CTNNA2: variants seen among roughly 807,000 people sequenced by gnomAD.
The protein encoded by CTNNA2 is catenin alpha-2.
CTNNA2 carries 42 observed loss-of-function variants against 101.0 expected under a neutral mutation model. The observed-to-expected ratio is 0.42, with a 90% CI of 0.32 to 0.54. The LOEUF is 0.54. Among genes scored for constraint, CTNNA2 ranks in the 20% least tolerant of loss-of-function variants. The probability of loss-of-function intolerance (pLI) is 0.14; values close to 1 mark genes in which losing one functional copy is unlikely to be tolerated. For synonymous variants in CTNNA2, 450 were observed against 456.4 expected (o/e 0.99, Z 0.18); for missense variants, 871 against 1,223.1 (o/e 0.71, Z 4.29).
At chr2:79,541,107 T>C (rs982799230) in intron 1 of CTNNA2, among the ~76,000 whole-genome samples, 1 of 152,132 alleles carries the variant, frequency 6.6e-6, no homozygotes, top group Non-Finnish European at 1.5e-5. Flanking sequence ...AATGTAACTG[T>C]GCTTATCCCT....
In CTNNA2 at chr2:79,722,105, T is replaced by C. The variant is rs547528458; in HGVS notation, c.103-22282T>C. On this transcript the variant is annotated intron_variant, in intron 2 of 18. Coordinates refer to ENST00000402739, the MANE Select transcript of CTNNA2 (RefSeq NM_001282597.3). ...ATTACATAAATATTTGGAAGGAGCA[T>C]GTGTCACCACTGATTCATTCATTCA... Among the ~76,000 whole-genome samples the C allele has an allele frequency of 2.0e-5, 3 of 152,308 alleles. 1 individual carries two copies. In the South Asian group the frequency reaches 6.2e-4, roughly 32 times the overall value.
intron 3 of CTNNA2, among the ~76,000 whole-genome samples, chr2:79,326,875 G>C (rs984730861): frequency 6.6e-6 from 1 of 152,136 alleles, no homozygotes; most frequent in Non-Finnish European, 1.5e-5. Context: ...AGAGGTACAG[G>C]CATAATCAAT....
chr2:80,267,654 T>G (rs975206782), intron 7 of CTNNA2, among the ~76,000 whole-genome samples: 8 of 152,002 alleles, frequency 5.3e-5, no homozygotes, highest in Non-Finnish European at 1.0e-4. Context: ...AAAAAAAGGG[T>G]TCCTGGGCTG....
chr2:79,548,354 A>G (rs963208738), intron 1 of CTNNA2, among the ~76,000 whole-genome samples: 2 of 152,170 alleles, frequency 1.3e-5, no homozygotes, highest in Non-Finnish European at 2.9e-5. Context: ...CATTTTCCTG[A>G]TAATTGTCTA....
chr2:79,227,332 A>G (rs1441222482), intron 2 of CTNNA2, among the ~76,000 whole-genome samples: 1 of 152,192 alleles, frequency 6.6e-6, no homozygotes, highest in Non-Finnish European at 1.5e-5. Context: ...TTATTCCATC[A>G]TTTGATGTCT....
chr2:80,516,618 A>T (rs1299223658), intron 9 of CTNNA2, among the ~76,000 whole-genome samples: 1 of 152,208 alleles, frequency 6.6e-6, no homozygotes, highest in Non-Finnish European at 1.5e-5. Context: ...GAACTTTTTT[A>T]GTGTTAAGCA....
At chr2:80,222,725 A>T (rs72928703) in intron 7 of CTNNA2, among the ~76,000 whole-genome samples, 1,854 of 152,358 alleles carry the variant, frequency 0.012, 35 homozygotes, top group African/African-American at 0.042. Context: ...TTGTAAATAA[A>T]GCTTACGTTC....
chr2:80,476,418 G>A (rs894837354), intron 9 of CTNNA2, among the ~76,000 whole-genome samples: 3 of 152,152 alleles, frequency 2.0e-5, no homozygotes, highest in Non-Finnish European at 4.4e-5. Context: ...TACACTAGTT[G>A]TAGGAAACTG....
chr2:79,699,788 TACACACAC>T (rs377095429), intron 2 of CTNNA2, among the ~76,000 whole-genome samples: 3,938 of 119,970 alleles, frequency 0.033, 172 homozygotes, highest in African/African-American at 0.1. Context: ...AAGAAAAAAA[TACACACAC>T]ACACACACAC....
intron 3 of CTNNA2, among the ~76,000 whole-genome samples, chr2:79,765,837 G>A (rs763300328): frequency 2.0e-5 from 3 of 152,182 alleles, no homozygotes; most frequent in Non-Finnish European, 4.4e-5. Flanking sequence ...CCTGTTTGGT[G>A]TTATGTTACT....
At chr2:80,206,343 G>C (rs1339653340) in intron 7 of CTNNA2, among the ~76,000 whole-genome samples, 1 of 152,182 alleles carries the variant, frequency 6.6e-6, no homozygotes, top group African/African-American at 2.4e-5. Context: ...GCTGGGGAGA[G>C]GTACTCACAC....
intron 7 of CTNNA2, among the ~76,000 whole-genome samples, chr2:80,345,999 T>C (rs1339920240): frequency 6.6e-6 from 1 of 152,168 alleles, no homozygotes; most frequent in Non-Finnish European, 1.5e-5. Context: ...AATTTTCCAT[T>C]TTCACACAAT....
At chr2:79,758,414 C>T (rs911677844) in intron 3 of CTNNA2, among the ~76,000 whole-genome samples, 14 of 152,256 alleles carry the variant, frequency 9.2e-5, no homozygotes, top group Non-Finnish European at 1.5e-4. Flanking sequence ...CTAGATGTGA[C>T]TCTTCTTTTT....
intron 2 of CTNNA2, among the ~76,000 whole-genome samples, chr2:79,308,728 C>G (rs766077681): frequency 4.0e-5 from 6 of 150,096 alleles, no homozygotes; most frequent in Non-Finnish European, 8.9e-5. Context: ...ATATGGATAA[C>G]CAGTTACCAC....
chr2:79,352,793 A>G (rs561869423), intron 3 of CTNNA2, among the ~76,000 whole-genome samples: 1 of 152,338 alleles, frequency 6.6e-6, no homozygotes, highest in South Asian at 2.1e-4. Context: ...CTATAAAGAC[A>G]TATCTGAGAC....
At chr2:79,589,529 A>G (rs1215461270) in intron 1 of CTNNA2, among the ~76,000 whole-genome samples, 1 of 152,034 alleles carries the variant, frequency 6.6e-6, no homozygotes, top group Non-Finnish European at 1.5e-5. Context: ...TACATTATTG[A>G]GAAGATCTGT....
At chr2:80,333,322 C>CT (rs1415491486) in intron 7 of CTNNA2, among the ~76,000 whole-genome samples, 1 of 152,160 alleles carries the variant, frequency 6.6e-6, no homozygotes, top group Non-Finnish European at 1.5e-5. Context: ...TTTCCAAGGG[C>CT]TTATCTCATG....
chr2:79,945,471 G>A (rs1411954958), intron 7 of CTNNA2, among the ~76,000 whole-genome samples: 2 of 152,004 alleles, frequency 1.3e-5, no homozygotes, highest in Non-Finnish European at 2.9e-5. Context: ...TTTAACATTC[G>A]ATGTAAATAT....
chr2:80,447,240 A>G (rs1428125090), intron 9 of CTNNA2, among the ~76,000 whole-genome samples: 1 of 152,074 alleles, frequency 6.6e-6, no homozygotes, highest in Non-Finnish European at 1.5e-5. Flanking sequence ...GCTGTAGTAC[A>G]TTTTTTTCCA....
Sources: allele counts gnomAD v4.1 joint callset (sites outside exome capture counted in the v4.1 genomes callset), GRCh38; gene constraint gnomAD v4.1.1; transcripts MANE v1.5; gene names NCBI Gene and HGNC (gene_info 2026-07-23, HGNC 2026-07-21).